CAPN15: variants seen among roughly 807,000 people sequenced by gnomAD.
The protein encoded by CAPN15 is calpain-15.
Under a neutral mutation model 97.9 loss-of-function variants are expected in CAPN15, and 53 were observed. The observed-to-expected ratio is 0.54, with a 90% CI of 0.43 to 0.68. The LOEUF is 0.68. Ranked by LOEUF, CAPN15 falls within the 30% of genes least tolerant of loss-of-function variation. The probability of loss-of-function intolerance (pLI) is 0.00; values close to 1 mark genes in which losing one functional copy is unlikely to be tolerated. For missense variants in CAPN15, 1,592 were observed against 1,589.8 expected (o/e 1.00, Z -0.02); for synonymous variants, 922 against 722.5 (o/e 1.28, Z -4.43).
intron 1 of CAPN15, among the ~76,000 whole-genome samples, chr16:530,229 C>T (rs11865960): frequency 1.3e-5 from 2 of 152,106 alleles, no homozygotes; most frequent in South Asian, 4.1e-4. Flanking sequence ...GCAGCACTTA[C>T]ACTTGGGACC....
chr16:545,097 G>A (rs1462710245), intron 3 of CAPN15, among the ~76,000 whole-genome samples: 4 of 152,030 alleles, frequency 2.6e-5, no homozygotes, highest in Admixed American at 6.5e-5. Context: ...AGGCTTTGGC[G>A]GTCTGGCCTC....
chr16:551,947 A>G (rs2035116046), intron 9 of CAPN15, 104 bp from the exon 10 acceptor site: 3 of 1,267,282 alleles, frequency 2.4e-6, no homozygotes, highest in African/African-American at 3.0e-5. Context: ...GTGACGGAGC[A>G]GCTGGCACCT....
At chr16:532,954 C>T (rs1009930198) in intron 1 of CAPN15, among the ~76,000 whole-genome samples, 4 of 151,720 alleles carry the variant, frequency 2.6e-5, no homozygotes, top group African/African-American at 9.7e-5. Context: ...GGCATGGTGG[C>T]TCATGCCTGG....
At position 551,190 on chromosome 16, in the gene CAPN15, C is replaced by A; in HGVS notation, c.2067-112C>A. Reference sequence around the variant, plus strand: ...TGAGGGTCCCGGTCGGTGAGGGCCCCGGTCGGTGAGGGTCCCCAGTCGGTG... The same window carrying A: ...TGAGGGTCCCGGTCGGTGAGGGCCCAGGTCGGTGAGGGTCCCCAGTCGGTG... On this transcript the variant is annotated intron_variant, in intron 7 of 13. Transcript: ENST00000219611. 13 of 1,468,484 alleles carry A rather than the reference C, an allele frequency of 8.9e-6. No individual in the cohort carries two copies. In the South Asian group the frequency reaches 1.7e-4, roughly 20 times the overall value. 91.0% of individuals were successfully genotyped at this position (1,468,484 alleles called of 1,614,324 possible).
chr16:528,536 T>C (rs1046898420), intron 1 of CAPN15, among the ~76,000 whole-genome samples: 1 of 152,238 alleles, frequency 6.6e-6, no homozygotes, highest in African/African-American at 2.4e-5. Context: ...GCCAGTGTTC[T>C]CTTCCGTGTT....
At chr16:551,747 C>T (rs1294842209) in intron 9 of CAPN15, 83 bp downstream of exon 9, 21 of 1,539,044 alleles carry the variant, frequency 1.4e-5, no homozygotes, top group South Asian at 4.6e-5. Context: ...CCTGTCCCTC[C>T]TGCTGACCTG....
chr16:545,246 A>AGG (rs909603284), intron 3 of CAPN15, among the ~76,000 whole-genome samples: 7 of 148,600 alleles, frequency 4.7e-5, no homozygotes, highest in Non-Finnish European at 1.0e-4. Context: ...GGCCCTGCAG[A>AGG]GGTGAGGGTG....
chr16:547,489 C>T lies in CAPN15; in HGVS notation c.651C>T (p.Ser217=), dbSNP rs1354890217. ...CCGAGGCCAACCCCCCAGCCACCAG[C>T]CAGGGCCCAGCTGCCGAACCAGAGC... ...EGAEANPPAT[S]QGPAAEPEPP... Residue 217 remains serine (S), a synonymous_variant, in exon 4 of 14, where the codon AGC becomes AGT. Coordinates refer to ENST00000219611, the MANE Select transcript of CAPN15 (RefSeq NM_005632.3). 4 of 1,597,306 alleles carry T rather than the reference C, an allele frequency of 2.5e-6. No individual in the cohort carries two copies. The highest frequency in any genetic ancestry group is 3.4e-6 in the Non-Finnish European group (4 of 1,178,804).
chr16:531,120 C>T (rs546948236), intron 1 of CAPN15, among the ~76,000 whole-genome samples: 195 of 152,406 alleles, frequency 1.3e-3, no homozygotes, highest in South Asian at 3.5e-3. Context: ...GTGGAAGGAG[C>T]TTGCTCCGCT....
rs763365660 is a variant in CAPN15 at position 553,302 on chromosome 16, C to T, written c.3084-37C>T. 1.0e-5 allele frequency: 16 copies of T among 1,530,122 alleles called. No individual in the cohort carries two copies. The South Asian group carries it at 1.1e-4, about 10-fold the overall frequency. 94.8% of individuals were successfully genotyped at this position (1,530,122 alleles called of 1,614,324 possible). ...GCACAGCCCTGCCCCCATCCCCACC[C>T]TGCCCTCCACAGGTCCTCACCGGTC... On this transcript the variant is annotated intron_variant, in intron 13 of 13. Coordinates refer to ENST00000219611, the MANE Select transcript of CAPN15 (RefSeq NM_005632.3).
At position 549,063 on chromosome 16, in the gene CAPN15, G is replaced by T. The variant is rs750406304; in HGVS notation, c.1520G>T (p.Ser507Ile). The change falls in exon 5 of 14, where the codon AGC becomes ATC. Residue 507 changes from serine to isoleucine, a missense_variant. Physicochemically the swap from Ser to Ile is moderately radical, Grantham distance 142. Around this residue, in one of 3 missense-constraint regions of CAPN15, gnomAD observed 883 missense variants for 776.6 expected, o/e 1.14. Transcript: ENST00000219611. The part of the protein sequence containing the change: ...PESVGFPAGD[S>I]VQQRVRQWLR... The stretch of plus-strand genomic sequence containing the variant: ...TCTGTCGGCTTCCCCGCGGGTGACA[G>T]CGTGCAGCAGCGTGTGAGGCAGTGG... 4.3e-6 allele frequency: 7 copies of T among 1,612,588 alleles called. No individual in the cohort carries two copies. In the African/African-American group the frequency reaches 9.3e-5, roughly 22 times the overall value.
At chr16:540,688 C>G (rs1026025328) in intron 3 of CAPN15, among the ~76,000 whole-genome samples, 1 of 152,206 alleles carries the variant, frequency 6.6e-6, no homozygotes, top group African/African-American at 2.4e-5. Context: ...GCTGCAGGCT[C>G]TGGGCATATT....
chr16:549,351 G>A lies in CAPN15; in HGVS notation c.1722G>A (p.Thr574=), dbSNP rs768602572. 6.3e-6 allele frequency: 10 copies of A among 1,596,132 alleles called. No individual in the cohort carries two copies. The highest frequency in any genetic ancestry group is 2.2e-5 in the South Asian group (2 of 90,032). The change falls in exon 6 of 14, where the codon ACG becomes ACA. Residue 574 remains threonine, a synonymous_variant. Coordinates refer to ENST00000219611, the MANE Select transcript of CAPN15 (RefSeq NM_005632.3). The part of the protein sequence containing the change: ...RPDLVERVMV[T]RSLCAEGAYQ... ...ACCTGGTGGAGCGGGTGATGGTCAC[G>A]CGCAGCCTGTGTGCAGAGGGCGCCT... is the stretch of plus-strand genomic sequence containing the variant.
Position 553,827 on chromosome 16 carries a change from T to G in CAPN15, c.*311T>G. 1 of 288,862 alleles carries G rather than the reference T, an allele frequency of 3.5e-6. No homozygotes were observed. 17.9% of individuals were successfully genotyped at this position (288,862 alleles called of 1,614,324 possible). On this transcript the variant is annotated 3_prime_UTR_variant, in exon 14 of 14. Transcript: ENST00000219611. ...GCCGAGGCCAGGCTGCCCCTCCCTG[T>G]GGGCTCAGGGTCTCCTGCGGGCTAG...
At chr16:534,933 G>A (rs1032959572) in intron 2 of CAPN15, among the ~76,000 whole-genome samples, 4 of 152,172 alleles carry the variant, frequency 2.6e-5, no homozygotes, top group Non-Finnish European at 2.9e-5. Context: ...CTGTGTGAGT[G>A]GGACACGCCT....
At position 542,075 on chromosome 16, in the gene CAPN15, C is replaced by T. The variant is rs563341368; in HGVS notation, c.-22-4742C>T. The stretch of plus-strand genomic sequence containing the variant: ...GGTGCGTGGACGTGGGGCCACAGGA[C>T]GTGGGGCCCCGTGTCTGGCCTCTTC... On this transcript the variant is annotated intron_variant, in intron 3 of 13. Coordinates refer to ENST00000219611, the MANE Select transcript of CAPN15 (RefSeq NM_005632.3). Among the ~76,000 whole-genome samples, 12 of 152,244 alleles carry T rather than the reference C, an allele frequency of 7.9e-5. 1 individual carries two copies. Among genetic ancestry groups the T allele is most frequent in the Admixed American group, 1.3e-4 (2 of 15,294 alleles).
chr16:552,424 G>T lies in CAPN15; in HGVS notation c.2631G>T (p.Lys877Asn), dbSNP rs1011465103. Residue 877 changes from lysine (K) to asparagine (N), a missense_variant, in exon 11 of 14, where the codon AAG (lysine) becomes AAT (asparagine). Physicochemically the swap from Lys to Asn is moderately conservative, Grantham distance 94. Transcript: ENST00000219611. The surrounding 1 kb of genome is among the most constrained non-coding windows in gnomAD (Gnocchi z 6.4). ...TGGCCCACAGTAAGCGCGCGGTCAA[G>T]AAGTTCGTCAGCTGCGACGTCATGC... ...RLLAHSKRAV[K>N]KFVSCDVMLE... 2 of 1,610,030 alleles carry T rather than the reference G, an allele frequency of 1.2e-6. No homozygotes were observed. Among genetic ancestry groups the T allele is most frequent in the Non-Finnish European group, 8.5e-7 (1 of 1,179,638 alleles).
rs1289697590 is a variant in CAPN15 at position 549,686 on chromosome 16, G to A, written c.1914G>A (p.Ala638=). 9.0e-6 allele frequency: 14 copies of A among 1,563,008 alleles called. No homozygotes were observed. The highest frequency in any genetic ancestry group is 2.4e-5 in the East Asian group (1 of 41,770). ...ALAKLHGSYF[A]LQAGRAIEGL... ...CCAAGCTGCACGGCTCCTACTTTGC[G>A]CTCCAGGCGGGCCGCGCCATCGAAG... Residue 638 remains alanine, a synonymous_variant, in exon 7 of 14, where the codon GCG becomes GCA. Coordinates refer to ENST00000219611, the MANE Select transcript of CAPN15 (RefSeq NM_005632.3).
rs764207164 is a variant in CAPN15, at chr16:540,178, G to A, written c.-23+4036G>A. 1.8e-4 allele frequency: 173 copies of A among 985,358 alleles called. 1 individual carries two copies. Among genetic ancestry groups the A allele is most frequent in the Admixed American group, 4.9e-4 (8 of 16,272 alleles). The allele number at this position is 985,358 out of a possible 1,614,324, so 61.0% of individuals were successfully genotyped here. ...AGGTCCGGCTCTCAGCACGGCCGCC[G>A]GCCGGGGGGCCATGGGGAGCTCCGC... On this transcript the variant is annotated intron_variant, in intron 3 of 13. Transcript: ENST00000219611.
Sources: gnomAD v4.1 joint callset for allele counts (sites outside exome capture counted in the v4.1 genomes callset) on GRCh38, gnomAD v4.1.1 for gene constraint, gnomAD v4.1.1 regional missense constraint, Gnocchi (gnomAD v3.1) non-coding constraint, MANE v1.5 for transcripts, NCBI Gene and HGNC (gene_info 2026-07-23, HGNC 2026-07-21) for gene names.